Variants in HAAO observed in about 807,000 individuals in gnomAD.
The protein encoded by HAAO is 3-hydroxyanthranilate 3,4-dioxygenase, also known as 3-hydroxyanthranilate oxygenase.
Under a neutral mutation model 46.2 loss-of-function variants are expected in HAAO, and 49 were observed. That is an observed-to-expected ratio of 1.06 (90% CI 0.84 to 1.34). HAAO has a LOEUF of 1.34. Among genes scored for constraint, HAAO ranks in the 40% most tolerant of loss-of-function variants. The pLI is 0.00. For missense variants in HAAO, 408 were observed against 364.5 expected, an observed-to-expected ratio of 1.12 and a Z score of -0.97; for synonymous variants, 157 against 145.2, an observed-to-expected ratio of 1.08 and a Z score of -0.58.
intron 4 of HAAO, among the ~76,000 whole-genome samples, chr2:42,782,369 C>T (rs1347530389): frequency 6.6e-6 from 1 of 152,136 alleles, no homozygotes; most frequent in African/African-American, 2.4e-5. Context: ...GTTTTTCTCC[C>T]TTCCTCCCCC....
chr2:42,779,884 A>G (rs1671860185), intron 4 of HAAO, among the ~76,000 whole-genome samples: 1 of 152,246 alleles, frequency 6.6e-6, no homozygotes, highest in South Asian at 2.1e-4. Flanking sequence ...CTTACTTGGT[A>G]TAAAAATTAT....
In HAAO at chr2:42,767,501, C is replaced by G. The variant is rs78588034; in HGVS notation, c.797G>C (p.Arg266Pro). ...AGACAGGGCCACAGAGCCTTGTGTT[C>G]GCTCCCAGGCATACCTGTGGACACA... is the stretch of plus-strand genomic sequence containing the variant. ...VLAGTSYAWE[R>P]TQGSVALSVT... Residue 266 changes from arginine (R) to proline (P), a missense_variant, in exon 10 of 10, where the codon CGA becomes CCA. By Grantham distance (103) the Arg-to-Pro change is moderately radical. Coordinates refer to ENST00000294973, the MANE Select transcript of HAAO (RefSeq NM_012205.3). 1 of 1,611,988 alleles carries G rather than the reference C, an allele frequency of 6.2e-7. No homozygotes were observed. The highest frequency in any genetic ancestry group is 1.3e-5 in the African/African-American group (1 of 74,892).
rs758658233 is a variant in HAAO, at chr2:42,783,804, C to T, written c.223G>A (p.Val75Met). The change falls in exon 3 of 10, where the codon GTG (valine) becomes ATG (methionine). Residue 75 changes from valine to methionine, a missense_variant. Coordinates refer to ENST00000294973, the MANE Select transcript of HAAO (RefSeq NM_012205.3). ...CTCACCTCTCCCTGCCGAATGACCA[C>T]ATCCCGGTGTTTCCCTTGCTCCAGG... is the stretch of plus-strand genomic sequence containing the variant. ...RVLEQGKHRD[V>M]VIRQGEIFLL... is the part of the protein sequence containing the mutation. 1 of 1,612,854 alleles carries T rather than the reference C, an allele frequency of 6.2e-7. No homozygotes were observed. Among genetic ancestry groups the T allele is most frequent in the Non-Finnish European group, 8.5e-7 (1 of 1,179,510 alleles).
chr2:42,770,037 C>T (rs1326054869), intron 6 of HAAO, 106 bp downstream of exon 6: 2 of 1,170,188 alleles, frequency 1.7e-6, no homozygotes, highest in Non-Finnish European at 2.5e-6. Flanking sequence ...ACCTTGAGGA[C>T]TGGGCAGAGT....
chr2:42,783,952 G>C, intron 2 of HAAO, 85 bp from the exon 3 acceptor site: 1 of 1,540,848 alleles, frequency 6.5e-7, no homozygotes, highest in Admixed American at 2.0e-5. Flanking sequence ...TTCTGACCGG[G>C]AAACCTGAGA....
intron 4 of HAAO, among the ~76,000 whole-genome samples, chr2:42,776,568 A>G (rs1181479149): frequency 6.7e-6 from 1 of 149,866 alleles, no homozygotes; most frequent in Non-Finnish European, 1.5e-5. Flanking sequence ...CTCTAGCACC[A>G]TCCGACTTCT....
At chr2:42,782,221 G>C (rs915180885) in intron 4 of HAAO, among the ~76,000 whole-genome samples, 2 of 152,160 alleles carry the variant, frequency 1.3e-5, no homozygotes, top group Non-Finnish European at 2.9e-5. Context: ...ACTGAAGCCT[G>C]ACAACTTAAA....
intron 1 of HAAO, among the ~76,000 whole-genome samples, chr2:42,789,986 G>C (rs1672667792): frequency 6.6e-6 from 1 of 152,206 alleles, no homozygotes; most frequent in Non-Finnish European, 1.5e-5. Context: ...GGAGGCGCTG[G>C]GTCTGGGACC....
intron 4 of HAAO, among the ~76,000 whole-genome samples, chr2:42,776,972 G>A (rs1190787944): frequency 6.6e-6 from 1 of 151,446 alleles, no homozygotes; most frequent in Non-Finnish European, 1.5e-5. Flanking sequence ...CTATTTAGCT[G>A]ACAACTGCCT....
intron 4 of HAAO, chr2:42,782,962 G>A (rs1452859799): frequency 6.8e-6 from 3 of 441,244 alleles, no homozygotes; most frequent in African/African-American, 4.1e-5. Context: ...TGTGTCACGG[G>A]CACACGTCCT....
At chr2:42,785,910 G>A (rs1028293357) in intron 2 of HAAO, among the ~76,000 whole-genome samples, 3 of 151,854 alleles carry the variant, frequency 2.0e-5, no homozygotes, top group Non-Finnish European at 4.4e-5. Context: ...AACCCCATAA[G>A]CATTATTTAA....
chr2:42,773,000 C>T (rs536983636), intron 4 of HAAO, among the ~76,000 whole-genome samples: 1 of 149,852 alleles, frequency 6.7e-6, no homozygotes, highest in Non-Finnish European at 1.5e-5. Context: ...TTTCCCTGAG[C>T]AATAGGTTGC....
chr2:42,790,881 T>C (rs979637497), intron 1 of HAAO, among the ~76,000 whole-genome samples: 2 of 152,152 alleles, frequency 1.3e-5, no homozygotes, highest in African/African-American at 4.8e-5. Flanking sequence ...TTTAGGTACA[T>C]ACAGACAATT....
chr2:42,776,270 A>C (rs1573920290), intron 4 of HAAO, among the ~76,000 whole-genome samples: 1 of 103,392 alleles, frequency 9.7e-6, no homozygotes, highest in Admixed American at 1.4e-4. Context: ...ACAGAGTTTC[A>C]CTCTTGTTGC....
At chr2:42,770,288 C>A in intron 5 of HAAO, 102 bp from the exon 6 acceptor site, 1 of 1,028,322 alleles carries the variant, frequency 9.7e-7, no homozygotes. Flanking sequence ...CAGGTGCCCA[C>A]ACACACTCAT....
At chr2:42,790,215 G>A (rs1435557658) in intron 1 of HAAO, among the ~76,000 whole-genome samples, 1 of 152,162 alleles carries the variant, frequency 6.6e-6, no homozygotes, top group Non-Finnish European at 1.5e-5. Context: ...CTTTTGGGAG[G>A]CTGGGCCCAA....
At position 42,770,188 on chromosome 2, in the gene HAAO, T is replaced by C; in HGVS notation, c.441-2A>G. On this transcript the variant is annotated splice_acceptor_variant, in intron 5 of 9. Transcript: ENST00000294973. LOFTEE classifies it high-confidence loss of function. ...CTGTACTGCTCAGAGCTGAAGAACC[T>C]GCAAGGACGAACAGGGAGGAGCAGG... 1 of 1,597,280 alleles carries C rather than the reference T, an allele frequency of 6.3e-7. No individual in the cohort carries two copies. The highest frequency in any genetic ancestry group is 8.5e-7 in the Non-Finnish European group (1 of 1,170,602).
At chr2:42,768,938 C>G (rs75541946) in intron 7 of HAAO, among the ~76,000 whole-genome samples, 6,008 of 152,322 alleles carry the variant, frequency 0.039, 130 homozygotes, top group East Asian at 0.11. Flanking sequence ...AAGCCTGAAA[C>G]AGCTCATGCT....
chr2:42,783,224 GTCTA>G (rs1409511914), intron 4 of HAAO, 86 bp downstream of exon 4: 4 of 760,274 alleles, frequency 5.3e-6, no homozygotes, highest in Admixed American at 2.2e-5. Flanking sequence ...GCTTTCTTGA[GTCTA>G]TCTAGGATCC....
Sources: gnomAD v4.1 joint callset for allele counts (sites outside exome capture counted in the v4.1 genomes callset) on GRCh38, gnomAD v4.1.1 for gene constraint, MANE v1.5 for transcripts, NCBI Gene and HGNC (gene_info 2026-07-23, HGNC 2026-07-21) for gene names.